Variants in CDC42BPA observed in about 807,000 individuals in gnomAD.
CDC42BPA encodes serine/threonine-protein kinase MRCK alpha.
Under a neutral mutation model 223.5 loss-of-function variants are expected in CDC42BPA, and 80 were observed. The ratio of observed to expected loss-of-function variants is 0.36; its 90% CI spans 0.30 to 0.43. The LOEUF (loss-of-function observed/expected upper bound fraction) is 0.43. Among genes scored for constraint, CDC42BPA ranks in the 20% least tolerant of loss-of-function variants. The pLI, the probability that CDC42BPA is intolerant of heterozygous loss-of-function variation, is 1.00. For synonymous variants in CDC42BPA, 694 were observed against 718.6 expected (o/e 0.97, Z 0.55); for missense variants, 1,743 against 2,099.9 (o/e 0.83, Z 3.32).
rs368398399 is a variant in CDC42BPA at position 227,017,093 on chromosome 1, T to C, written c.4616-43A>G. The C allele has an allele frequency of 1.5e-5, 23 of 1,567,340 alleles. No homozygotes were observed. The African/African-American group carries it at 3.1e-4, about 21-fold the overall frequency. On this transcript the variant is annotated intron_variant, in intron 32 of 36. Transcript: ENST00000366766. ...CAAACGATAATGATGTTCTTTAAAC[T>C]GTTAAAATGCTTTTTATCTATTAAC...
At chr1:227,293,928 A>G (rs1348357629) in intron 1 of CDC42BPA, among the ~76,000 whole-genome samples, 2 of 152,242 alleles carry the variant, frequency 1.3e-5, no homozygotes, top group African/African-American at 2.4e-5. Context: ...AGATCAGTTT[A>G]TAATAGCATT....
At chr1:227,084,266 G>A (rs545657439) in intron 16 of CDC42BPA, among the ~76,000 whole-genome samples, 8 of 152,222 alleles carry the variant, frequency 5.3e-5, no homozygotes, top group East Asian at 3.9e-4. Flanking sequence ...GGTGGCTCAC[G>A]CCTGCAATCC....
chr1:227,055,944 C>T (rs1269048303), intron 21 of CDC42BPA, among the ~76,000 whole-genome samples: 1 of 151,508 alleles, frequency 6.6e-6, no homozygotes, highest in Non-Finnish European at 1.5e-5. Context: ...GTCCATACTG[C>T]AAAACATTTT....
chr1:227,186,332 G>A (rs1459248738), intron 5 of CDC42BPA, among the ~76,000 whole-genome samples: 1 of 152,166 alleles, frequency 6.6e-6, no homozygotes, highest in East Asian at 1.9e-4. Flanking sequence ...ATATGCCAGA[G>A]TATTCTCTTC....
intron 5 of CDC42BPA, among the ~76,000 whole-genome samples, chr1:227,188,189 A>C (rs1471449652): frequency 1.3e-5 from 2 of 151,798 alleles, no homozygotes; most frequent in African/African-American, 2.4e-5. Flanking sequence ...TCAAATATGA[A>C]TTATTACTTA....
chr1:227,230,812 CTTTCTTTCTTTTTT>C (rs375069835), intron 2 of CDC42BPA, among the ~76,000 whole-genome samples: 28,559 of 111,940 alleles, frequency 0.26, 3,938 homozygotes, highest in Middle Eastern at 0.34. Flanking sequence ...TTTCTTTTTT[CTTTCTTTCTTTTTT>C]TTTTTTTTTT....
At chr1:227,294,543 C>G (rs1690274636) in intron 1 of CDC42BPA, among the ~76,000 whole-genome samples, 3 of 151,834 alleles carry the variant, frequency 2.0e-5, no homozygotes, top group Admixed American at 2.0e-4. Context: ...TTCCCATTTT[C>G]AGAGAGAAAG....
intron 32 of CDC42BPA, among the ~76,000 whole-genome samples, chr1:227,021,062 T>C (rs1380883592): frequency 6.6e-6 from 1 of 152,178 alleles, no homozygotes; most frequent in Non-Finnish European, 1.5e-5. Flanking sequence ...GCATCTTATA[T>C]GGGCATGGTT....
chr1:227,026,071 G>A lies in CDC42BPA; in HGVS notation c.4514C>T (p.Thr1505Ile). The stretch of plus-strand genomic sequence containing the variant: ...TTAAATTACCTTTTTGAGAGGAAGA[G>A]TCTGAATCCATTCCATGGAGTTCAC... ...FDVNSMEWIQ[T>I]LPLKKVRPLN... is the part of the protein sequence containing the mutation. The change falls in exon 31 of 37, where the codon ACT becomes ATT. Residue 1505 changes from threonine to isoleucine, a missense_variant. This residue lies in a region of CDC42BPA where 678 missense variants were observed against 777.5 expected (regional missense o/e 0.87). Transcript: ENST00000366766. 1 of 1,588,528 alleles carries A rather than the reference G, an allele frequency of 6.3e-7. No homozygotes were observed. Among genetic ancestry groups the A allele is most frequent in the South Asian group, 1.1e-5 (1 of 89,772 alleles).
chr1:227,160,453 A>G (rs1213168870), intron 6 of CDC42BPA, 90 bp downstream of exon 6: 1 of 873,666 alleles, frequency 1.1e-6, no homozygotes, highest in Non-Finnish European at 2.0e-6. Context: ...GGTAGATAGT[A>G]TAAATAGATG....
chr1:227,222,849 C>T (rs1011336580), intron 2 of CDC42BPA, among the ~76,000 whole-genome samples: 14 of 152,168 alleles, frequency 9.2e-5, no homozygotes, highest in African/African-American at 3.1e-4. Context: ...ATTAATCTGC[C>T]TTGTGCATGT....
intron 6 of CDC42BPA, among the ~76,000 whole-genome samples, chr1:227,159,856 G>A (rs908236408): frequency 6.6e-6 from 1 of 151,820 alleles, no homozygotes; most frequent in African/African-American, 2.4e-5. Flanking sequence ...GGGGGAGTGA[G>A]GGGGTGGGAG....
chr1:227,259,733 A>G (rs1683727069), intron 1 of CDC42BPA, among the ~76,000 whole-genome samples: 1 of 151,054 alleles, frequency 6.6e-6, no homozygotes, highest in African/African-American at 2.5e-5. Flanking sequence ...TGACACTGCT[A>G]GCTCAGAGAA....
intron 2 of CDC42BPA, among the ~76,000 whole-genome samples, chr1:227,237,045 CAAAAAAA>C (rs11447987): frequency 1.2e-5 from 1 of 84,394 alleles, no homozygotes; most frequent in Non-Finnish European, 2.2e-5. Context: ...CCGGTCTCCA[CAAAAAAA>C]AAAAAAAAAA....
intron 34 of CDC42BPA, among the ~76,000 whole-genome samples, chr1:227,013,656 A>G (rs556726653): frequency 4.9e-4 from 75 of 152,234 alleles, no homozygotes; most frequent in Middle Eastern, 6.8e-3. Context: ...AACATTTTCT[A>G]TACTACTTCT....
At chr1:227,153,889 AT>A (rs1662244728) in intron 6 of CDC42BPA, among the ~76,000 whole-genome samples, 1 of 151,932 alleles carries the variant, frequency 6.6e-6, no homozygotes, top group Admixed American at 6.6e-5. Context: ...TAAGGGGAAA[AT>A]ATGGGTCCTC....
chr1:227,258,335 A>T (rs1683463325), intron 1 of CDC42BPA, among the ~76,000 whole-genome samples: 3 of 150,928 alleles, frequency 2.0e-5, no homozygotes. Flanking sequence ...TCCCCCACCC[A>T]GACTAAATCA....
chr1:227,160,738 G>T, intron 5 of CDC42BPA, 102 bp from the exon 6 acceptor site: 1 of 637,476 alleles, frequency 1.6e-6, no homozygotes, highest in Non-Finnish European at 2.7e-6. Flanking sequence ...TATTTTAAAA[G>T]TAATATTCTA....
intron 14 of CDC42BPA, among the ~76,000 whole-genome samples, chr1:227,104,021 A>T (rs1338837954): frequency 6.6e-6 from 1 of 152,144 alleles, no homozygotes; most frequent in Non-Finnish European, 1.5e-5. Context: ...TAGTTGCTGA[A>T]AACACTTCAA....
Sources: allele counts gnomAD v4.1 joint callset (sites outside exome capture counted in the v4.1 genomes callset), GRCh38; gene constraint gnomAD v4.1.1; regional missense constraint gnomAD v4.1.1; transcripts MANE v1.5; gene names NCBI Gene and HGNC (gene_info 2026-07-23, HGNC 2026-07-21).